PTK7: variants seen among roughly 807,000 people sequenced by gnomAD.
PTK7 encodes inactive tyrosine-protein kinase 7.
Under a neutral mutation model 116.6 loss-of-function variants are expected in PTK7, and 39 were observed. The ratio of observed to expected loss-of-function variants is 0.33; its 90% confidence interval spans 0.26 to 0.44. The LOEUF is 0.44. Ranked by LOEUF, PTK7 falls within the 20% of genes least tolerant of loss-of-function variation. The pLI, the probability that PTK7 is intolerant of heterozygous loss-of-function variation, is 1.00. For missense variants in PTK7, 1,169 were observed against 1,425.6 expected (o/e 0.82, Z 2.90); for synonymous variants, 546 against 563.6 (o/e 0.97, Z 0.44).
chr6:43,082,950 T>C (rs914333756), intron 1 of PTK7, among the ~76,000 whole-genome samples: 4 of 152,230 alleles, frequency 2.6e-5, no homozygotes, highest in Non-Finnish European at 5.9e-5. Flanking sequence ...CCGCTGGGCT[T>C]TGACAGCTGT....
At chr6:43,077,365 C>G (rs1766108129) in intron 1 of PTK7, among the ~76,000 whole-genome samples, 1 of 152,122 alleles carries the variant, frequency 6.6e-6, no homozygotes, top group Admixed American at 6.5e-5. Context: ...ACTGTCCTCA[C>G]AGAGGAAAGG....
intron 1 of PTK7, among the ~76,000 whole-genome samples, chr6:43,108,101 T>C (rs1767995311): frequency 6.6e-6 from 1 of 151,748 alleles, no homozygotes; most frequent in African/African-American, 2.4e-5. Context: ...TAACTTTTTT[T>C]TTTTTTTTTT....
chr6:43,107,513 G>A (rs1767960697), intron 1 of PTK7, among the ~76,000 whole-genome samples: 1 of 152,196 alleles, frequency 6.6e-6, no homozygotes, highest in Non-Finnish European at 1.5e-5. Context: ...ATGGTTAAAT[G>A]TTTGGAACAG....
In PTK7 at chr6:43,076,485, C is replaced by T. The variant is rs768545768; in HGVS notation, c.-4C>T. 2 of 1,564,888 alleles carry T rather than the reference C, an allele frequency of 1.3e-6. No individual in the cohort carries two copies. Among genetic ancestry groups the T allele is most frequent in the Non-Finnish European group, 1.7e-6 (2 of 1,161,694 alleles). The stretch of plus-strand genomic sequence containing the variant: ...CCTCAGCTCCTTTTCCTGAGCCCGC[C>T]GCGATGGGAGCTGCGCGGGGATCCC... On this transcript the variant is annotated 5_prime_UTR_variant, in exon 1 of 20. Transcript: ENST00000230419. This position sits in a 1 kb window ranked among gnomAD's most constrained non-coding sequence, Gnocchi z 5.7.
chr6:43,150,060 T>C (rs1770978185), intron 17 of PTK7, among the ~76,000 whole-genome samples: 2 of 152,158 alleles, frequency 1.3e-5, no homozygotes, highest in Admixed American at 1.3e-4. Context: ...TAATGCCTTT[T>C]AGAGTAGCTG....
rs151126990 is a variant in PTK7, at chr6:43,132,021, C to G, written c.818C>G (p.Pro273Arg). ...TTGCACTCTCCCCTCTGCAGCCCCC[C>G]ACACCTCCGCAGAGCCACAGTGTTT... Reference protein sequence around the residue: ...ETPITNRSRPPHLRRATVFAN... With the variant: ...ETPITNRSRPRHLRRATVFAN... The change falls in exon 6 of 20, where the codon CCA becomes CGA. Residue 273 changes from proline (P) to arginine (R), a missense_variant. By Grantham distance (103) the Pro-to-Arg change is moderately radical. This residue lies in a region of PTK7 where 487 missense variants were observed against 549.8 expected (regional missense o/e 0.89). Transcript: ENST00000230419. 7.4e-6 allele frequency: 12 copies of G among 1,613,940 alleles called. No individual in the cohort carries two copies. The highest frequency in any genetic ancestry group is 8.5e-6 in the Non-Finnish European group (10 of 1,180,038).
At position 43,132,629 on chromosome 6, in the gene PTK7, C is replaced by T; in HGVS notation, c.1170C>T (p.Thr390=). ...CTGAAAGTGATGCTGGTGTCTACAC[C>T]TGCCACGCGGCCAACCTGGCTGGTC... ...NIAESDAGVY[T]CHAANLAGQR... The change falls in exon 7 of 20, where the codon ACC becomes ACT. Residue 390 remains threonine (T), a synonymous_variant. Transcript: ENST00000230419. 1 of 1,595,394 alleles carries T rather than the reference C, an allele frequency of 6.3e-7. No individual in the cohort carries two copies. The highest frequency in any genetic ancestry group is 8.5e-7 in the Non-Finnish European group (1 of 1,171,208).
intron 1 of PTK7, among the ~76,000 whole-genome samples, chr6:43,091,142 C>T (rs1766930265): frequency 6.6e-6 from 1 of 150,436 alleles, no homozygotes; most frequent in Non-Finnish European, 1.5e-5. Flanking sequence ...CTTCTCTGAG[C>T]TTCGGTTTCC....
chr6:43,105,808 C>T (rs1582100797), intron 1 of PTK7, among the ~76,000 whole-genome samples: 1 of 152,134 alleles, frequency 6.6e-6, no homozygotes, highest in Non-Finnish European at 1.5e-5. Flanking sequence ...AACAGACTCT[C>T]CCTCTGTGCC....
rs142737934 is a variant in PTK7, at chr6:43,116,400, C to T, written c.80-12577C>T. ...CTGCTGCCACAGGCCCTGGGCGGCT[C>T]GTGCTTTCCACATCACAACATAGCA... On this transcript the variant is annotated intron_variant, in intron 1 of 19. Transcript: ENST00000230419. Among the ~76,000 whole-genome samples, 577 of 152,220 alleles carry T rather than the reference C, an allele frequency of 3.8e-3. 3 individuals carry two copies. The highest frequency in any genetic ancestry group is 0.013 in the African/African-American group (525 of 41,522).
intron 1 of PTK7, among the ~76,000 whole-genome samples, chr6:43,083,919 T>A (rs1766512604): frequency 6.6e-6 from 1 of 151,656 alleles, no homozygotes; most frequent in South Asian, 2.1e-4. Context: ...TGTAGATATG[T>A]GTTTCTCAAA....
At chr6:43,092,815 T>A (rs928114529) in intron 1 of PTK7, among the ~76,000 whole-genome samples, 2 of 152,194 alleles carry the variant, frequency 1.3e-5, no homozygotes, top group African/African-American at 4.8e-5. Context: ...CTGTGGTAGT[T>A]ATAATTGTGA....
At chr6:43,125,887 T>C (rs558234404) in intron 1 of PTK7, among the ~76,000 whole-genome samples, 1 of 152,124 alleles carries the variant, frequency 6.6e-6, no homozygotes, top group Non-Finnish European at 1.5e-5. Context: ...CCTTAGCTGC[T>C]CCTCTGTGTG....
In PTK7 at chr6:43,143,593, G is replaced by T; in HGVS notation, c.2224G>T (p.Glu742Ter). ...AKRLQKQPEG[E>*]EPEMECLNGG... ...GCGGCTGCAGAAGCAGCCCGAGGGC[G>T]AGGAGCCAGAGATGGAATGCCTCAA... Residue 742 changes from glutamate to a stop codon, truncating the protein, a stop_gained, in exon 14 of 20, where the codon GAG (glutamate) becomes TAG (stop). Transcript: ENST00000230419. LOFTEE classifies it high-confidence loss of function. The surrounding 1 kb of genome is among the most constrained non-coding windows in gnomAD (Gnocchi z 4.2). 6.2e-7 allele frequency: 1 copy of T among 1,612,686 alleles called. No individual in the cohort carries two copies. Among genetic ancestry groups the T allele is most frequent in the African/African-American group, 1.3e-5 (1 of 75,034 alleles).
intron 7 of PTK7, among the ~76,000 whole-genome samples, chr6:43,137,141 C>G (rs968984843): frequency 1.3e-5 from 2 of 152,202 alleles, no homozygotes; most frequent in Non-Finnish European, 1.5e-5. Context: ...ATGGGAAGGT[C>G]TTGCAGGGTT....
Position 43,132,418 on chromosome 6 carries a change from C to T in PTK7, c.962-3C>T, listed in dbSNP as rs141307288. On this transcript the variant is annotated splice_polypyrimidine_tract_variant and splice_region_variant and intron_variant, in intron 6 of 19. Transcript: ENST00000230419. ...GCCATTCCTCCTACTTATGTCCTTG[C>T]AGAGATTGAAGACATGCCGCTATTT... The T allele has an allele frequency of 7.7e-3, 11,992 of 1,565,650 alleles. 57 individuals are homozygous for T. The highest frequency in any genetic ancestry group is 9.6e-3 in the Non-Finnish European group (11,075 of 1,150,564).
intron 1 of PTK7, among the ~76,000 whole-genome samples, chr6:43,116,067 T>C (rs1768497934): frequency 6.6e-6 from 1 of 151,300 alleles, no homozygotes; most frequent in Non-Finnish European, 1.5e-5. Context: ...GCCCCCTCCC[T>C]CAGTCTGGAG....
At chr6:43,121,033 C>T (rs955437599) in intron 1 of PTK7, among the ~76,000 whole-genome samples, 2 of 151,072 alleles carry the variant, frequency 1.3e-5, no homozygotes, top group African/African-American at 4.9e-5. Context: ...TGGGGAGCAC[C>T]TTACGTCATG....
intron 1 of PTK7, among the ~76,000 whole-genome samples, chr6:43,081,405 GTTTGTT>G (rs1766370875): frequency 6.6e-6 from 1 of 151,944 alleles, no homozygotes; most frequent in African/African-American, 2.4e-5. Context: ...TTTGTTGTTT[GTTTGTT>G]TTTGTTTTTT....
Sources: gnomAD v4.1 joint callset for allele counts (sites outside exome capture counted in the v4.1 genomes callset) on GRCh38, gnomAD v4.1.1 for gene constraint, gnomAD v4.1.1 regional missense constraint, Gnocchi (gnomAD v3.1) non-coding constraint, MANE v1.5 for transcripts, NCBI Gene and HGNC (gene_info 2026-07-23, HGNC 2026-07-21) for gene names.